The following RHOD variants were observed in gnomAD, a reference collection of about 807,000 sequenced individuals.
RHOD encodes rho-related GTP-binding protein RhoD.
In RHOD, 11 loss-of-function variants were observed where a neutral mutation model predicts 16.7. The observed-to-expected ratio is 0.66, with a 90% CI of 0.41 to 1.09. RHOD has a LOEUF of 1.09. RHOD is among the 50% of genes least tolerant of loss of function. The probability of loss-of-function intolerance (pLI) is 0.00; values close to 1 mark genes in which losing one functional copy is unlikely to be tolerated. For missense variants in RHOD, 271 were observed against 291.7 expected, an observed-to-expected ratio of 0.93 and a Z score of 0.52; for synonymous variants, 124 against 126.3, an observed-to-expected ratio of 0.98 and a Z score of 0.12.
chr11:67,065,163 C>A (rs1000599425), intron 1 of RHOD, among the ~76,000 whole-genome samples: 2 of 151,926 alleles, frequency 1.3e-5, no homozygotes, highest in Admixed American at 6.6e-5. Flanking sequence ...GCAACGTCCA[C>A]CTCCCGGGTT....
At position 67,071,602 on chromosome 11, in the gene RHOD, A is replaced by G. The variant is rs1279029019; in HGVS notation, c.633A>G (p.Ter211TrpextTer15). 1 of 1,595,508 alleles carries G rather than the reference A, an allele frequency of 6.3e-7. No homozygotes were observed. The highest frequency in any genetic ancestry group is 1.3e-5 in the African/African-American group (1 of 74,512). Residue 211 changes from the stop codon to tryptophan (W), a stop_lost, in exon 5 of 5, where the codon TGA becomes TGG. Transcript: ENST00000308831. ...CCCAGGGCTTTTGCGTGGTGACCTG[A>G]GCGGCTCGGGGCGTCCCAGCGACGC... ...RITQGFCVVT[*>W]
At chr11:67,070,116 C>A (rs777518674) in intron 3 of RHOD, among the ~76,000 whole-genome samples, 1 of 152,178 alleles carries the variant, frequency 6.6e-6, no homozygotes, top group Non-Finnish European at 1.5e-5. Context: ...TTCTGAGCCC[C>A]ACCCCCAGGC....
At chr11:67,069,670 GATTT>G (rs1429978793) in intron 3 of RHOD, among the ~76,000 whole-genome samples, 1 of 142,482 alleles carries the variant, frequency 7.0e-6, no homozygotes, top group Non-Finnish European at 1.5e-5. Flanking sequence ...TGGATTGATT[GATTT>G]ATTTTTATCT....
At chr11:67,066,012 G>GGGGGGGGA in intron 2 of RHOD, 29 bp downstream of exon 2, 1 of 581,440 alleles carries the variant, frequency 1.7e-6, no homozygotes, top group Non-Finnish European at 3.4e-6. Flanking sequence ...GGCAGGGTGG[G>GGGGGGGGA]AGGGGCTTCT....
Position 67,071,774 on chromosome 11 carries a change from C to T in RHOD, c.*172C>T. On this transcript the variant is annotated 3_prime_UTR_variant, in exon 5 of 5. Coordinates refer to ENST00000308831, the MANE Select transcript of RHOD (RefSeq NM_014578.4). Reference sequence around the variant, plus strand: ...GAGTCCTGGACTGAGAAAGGGGGTTCCTGGGCCCACCTGCTCTGTGTAGGG... The same window carrying T: ...GAGTCCTGGACTGAGAAAGGGGGTTTCTGGGCCCACCTGCTCTGTGTAGGG... 1.6e-6 allele frequency: 1 copy of T among 632,292 alleles called. No individual in the cohort carries two copies. The highest frequency in any genetic ancestry group is 2.7e-6 in the Non-Finnish European group (1 of 375,186). 39.2% of individuals were successfully genotyped at this position (632,292 alleles called of 1,614,324 possible). A position where few individuals can be genotyped will look rare whatever the true frequency, so the allele number is the denominator to read the frequency against.
At chr11:67,067,999 C>T (rs958605815) in intron 3 of RHOD, among the ~76,000 whole-genome samples, 2 of 152,000 alleles carry the variant, frequency 1.3e-5, no homozygotes, top group African/African-American at 4.8e-5. Flanking sequence ...CGGGGTTTCA[C>T]CATGTTAGCC....
chr11:67,057,585 C>CT (rs1356315188), intron 1 of RHOD, among the ~76,000 whole-genome samples: 1 of 152,266 alleles, frequency 6.6e-6, no homozygotes, highest in East Asian at 1.9e-4. Flanking sequence ...CATTGTCTCC[C>CT]TTCCAGCTCT....
chr11:67,066,914 C>A, intron 3 of RHOD, 67 bp downstream of exon 3: 2 of 1,049,902 alleles, frequency 1.9e-6, no homozygotes, highest in Non-Finnish European at 3.0e-6. Flanking sequence ...CACCCACCCT[C>A]GACCCAGCTG....
rs1855017415 is a variant in RHOD, at chr11:67,070,556, C to T, written c.462C>T (p.His154=). The change falls in exon 4 of 5, where the codon CAC becomes CAT. Residue 154 remains histidine, a synonymous_variant. Coordinates refer to ENST00000308831, the MANE Select transcript of RHOD (RefSeq NM_014578.4). ...ACGGATTGGAGCCTGTGACCTACCA[C>T]AGGGTAGGAAACCCAGCCCGAGGTG... The part of the protein sequence containing the change: ...RRNGLEPVTY[H]RGQEMARSVG... 6.2e-7 allele frequency: 1 copy of T among 1,614,054 alleles called. No individual in the cohort carries two copies. Among genetic ancestry groups the T allele is most frequent in the African/African-American group, 1.3e-5 (1 of 75,050 alleles).
intron 1 of RHOD, among the ~76,000 whole-genome samples, chr11:67,061,632 CAAAA>C (rs56111361): frequency 1.1e-5 from 1 of 90,810 alleles, no homozygotes; most frequent in Non-Finnish European, 2.1e-5. Context: ...AACTCTGTCT[CAAAA>C]AAAAAAAAAA....
chr11:67,063,291 G>A (rs1854914201), intron 1 of RHOD, among the ~76,000 whole-genome samples: 1 of 152,024 alleles, frequency 6.6e-6, no homozygotes, highest in Non-Finnish European at 1.5e-5. Flanking sequence ...AGGAGTTCGA[G>A]ACCAGCCTGG....
rs971570231 is a variant in RHOD, at chr11:67,071,661, T to C, written c.*59T>C. On this transcript the variant is annotated 3_prime_UTR_variant, in exon 5 of 5. Coordinates refer to ENST00000308831, the MANE Select transcript of RHOD (RefSeq NM_014578.4). ...GCAGGGCGCTGACCTGCTGCTGAGC[T>C]GGCTGGGCTGGACCCGGTCCCTAGG... is the stretch of plus-strand genomic sequence containing the variant. 2 of 1,472,394 alleles carry C rather than the reference T, an allele frequency of 1.4e-6. No homozygotes were observed. Among genetic ancestry groups the C allele is most frequent in the Admixed American group, 4.4e-5 (2 of 45,442 alleles). 91.2% of individuals were successfully genotyped at this position (1,472,394 alleles called of 1,614,324 possible).
intron 1 of RHOD, among the ~76,000 whole-genome samples, chr11:67,060,001 C>T (rs772218412): frequency 2.6e-5 from 4 of 152,226 alleles, no homozygotes; most frequent in Non-Finnish European, 2.9e-5. Context: ...GTGGAGAGAG[C>T]TCCTAGGACA....
chr11:67,057,597 G>T (rs1854828976), intron 1 of RHOD, among the ~76,000 whole-genome samples: 1 of 152,368 alleles, frequency 6.6e-6, no homozygotes, highest in East Asian at 1.9e-4. Context: ...TCCAGCTCTT[G>T]CCGCTGGAAA....
rs1590666513 is a variant in RHOD at position 67,056,899 on chromosome 11, C to A, written c.-4C>A. 1.4e-6 allele frequency: 2 copies of A among 1,441,216 alleles called. No individual in the cohort carries two copies. Among genetic ancestry groups the A allele is most frequent in the East Asian group, 6.1e-5 (2 of 32,768 alleles). 89.3% of individuals were successfully genotyped at this position (1,441,216 alleles called of 1,614,324 possible). On this transcript the variant is annotated 5_prime_UTR_variant, in exon 1 of 5. Transcript: ENST00000308831. ...CGCCCGCCCGCTCAGCGCCCGGCCC[C>A]GGGATGACGGCGGCCCAGGCCGCGG...
chr11:67,066,111 G>A, intron 2 of RHOD, 128 bp downstream of exon 2: 1 of 767,878 alleles, frequency 1.3e-6, no homozygotes, highest in Non-Finnish European at 2.1e-6. Context: ...GTGTGGGCCA[G>A]GAGTGGGCCC....
chr11:67,060,156 CT>C (rs1854868389), intron 1 of RHOD, among the ~76,000 whole-genome samples: 1 of 152,226 alleles, frequency 6.6e-6, no homozygotes. Flanking sequence ...GCCCTGCTGG[CT>C]AGAGCCCCCT....
rs1410491689 is a variant in RHOD at position 67,066,803 on chromosome 11, T to G, written c.286T>G (p.Phe96Val). 1 of 1,614,090 alleles carries G rather than the reference T, an allele frequency of 6.2e-7. No individual in the cohort carries two copies. The highest frequency in any genetic ancestry group is 1.7e-5 in the Admixed American group (1 of 60,022). Residue 96 changes from phenylalanine to valine, a missense_variant, in exon 3 of 5, where the codon TTC becomes GTC. Physicochemically the swap from Phe to Val is conservative, Grantham distance 50. Transcript: ENST00000308831. Reference sequence around the variant, plus strand: ...TGACGCCAGCGTCCTGCTGCTTTGCTTCGATGTCACCAGCCCGAACAGCTT... The same window carrying G: ...TGACGCCAGCGTCCTGCTGCTTTGCGTCGATGTCACCAGCCCGAACAGCTT... Reference protein sequence around the residue: ...YPDASVLLLCFDVTSPNSFDN... With the variant: ...YPDASVLLLCVDVTSPNSFDN...
At chr11:67,066,657 A>G (rs1206744829) in intron 2 of RHOD, 81 bp from the exon 3 acceptor site, 7 of 941,514 alleles carry the variant, frequency 7.4e-6, no homozygotes, top group Non-Finnish European at 1.0e-5. Flanking sequence ...TCCCCATCTG[A>G]TGAGGTGACC....
Sources: gnomAD v4.1 joint callset for allele counts (sites outside exome capture counted in the v4.1 genomes callset) on GRCh38, gnomAD v4.1.1 for gene constraint, MANE v1.5 for transcripts, NCBI Gene and HGNC (gene_info 2026-07-23, HGNC 2026-07-21) for gene names.